Variants in DNAH10 observed in about 807,000 individuals in gnomAD.
The protein encoded by DNAH10 is axonemal beta dynein heavy chain 10.
DNAH10 carries 348 observed loss-of-function variants against 506.6 expected under a neutral mutation model. That is an observed-to-expected ratio of 0.69 (90% CI 0.63 to 0.75). The LOEUF (loss-of-function observed/expected upper bound fraction) is 0.75. Ranked by LOEUF, DNAH10 falls within the 30% of genes least tolerant of loss-of-function variation. DNAH10 has a pLI of 0.00. For synonymous variants in DNAH10, 2,059 were observed against 2,198.6 expected (o/e 0.94, Z 1.78); for missense variants, 5,179 against 5,787.1 (o/e 0.89, Z 3.41).
At chr12:123,872,423 T>A (rs1952071338) in intron 45 of DNAH10, among the ~76,000 whole-genome samples, 1 of 152,042 alleles carries the variant, frequency 6.6e-6, no homozygotes, top group Non-Finnish European at 1.5e-5. Context: ...GGAGCCTCCT[T>A]CACAACACCC....
In DNAH10 at chr12:123,907,756, T is replaced by TGGC. The variant is rs1328931866; in HGVS notation, c.9816-1504_9816-1502dup. 6.6e-6 allele frequency among the ~76,000 whole-genome samples: 1 copy of TGGC among 152,186 alleles called. No individual in the cohort carries two copies. Among genetic ancestry groups the TGGC allele is most frequent in the African/African-American group, 2.4e-5 (1 of 41,432 alleles). On this transcript the variant is annotated intron_variant, in intron 57 of 78. Transcript: ENST00000673944. This position sits in a 1 kb window ranked among gnomAD's most constrained non-coding sequence, Gnocchi z 4.4. ...CCCCACCTGCTTGTTCACAGAGCGG[T>TGGC]GGCCGGGGCCTGGTTTCCATCCACC... is the stretch of plus-strand genomic sequence containing the variant.
At chr12:123,892,657 G>C (rs1047655310) in intron 52 of DNAH10, among the ~76,000 whole-genome samples, 1 of 152,234 alleles carries the variant, frequency 6.6e-6, no homozygotes, top group East Asian at 1.9e-4. Flanking sequence ...ACAGGAGAAC[G>C]TCAGAGATGG....
At chr12:123,837,070 C>A (rs974118017) in intron 28 of DNAH10, among the ~76,000 whole-genome samples, 3 of 150,638 alleles carry the variant, frequency 2.0e-5, no homozygotes, top group Admixed American at 6.6e-5. Flanking sequence ...CCAGGATGGT[C>A]TCAATCTCCT....
chr12:123,865,875 A>G (rs527570271), intron 40 of DNAH10, 76 bp from the exon 41 acceptor site: 18 of 1,407,242 alleles, frequency 1.3e-5, no homozygotes, highest in Middle Eastern at 1.9e-4. Context: ...AAAACTTTCC[A>G]TAAGAGAAGG....
chr12:123,863,198 G>A (rs1951677981), intron 39 of DNAH10, among the ~76,000 whole-genome samples: 1 of 152,214 alleles, frequency 6.6e-6, no homozygotes, highest in Non-Finnish European at 1.5e-5. Context: ...TCTGTCCTGT[G>A]GAGATGGGCT....
chr12:123,886,758 C>T (rs868337177), intron 51 of DNAH10, among the ~76,000 whole-genome samples: 6 of 152,292 alleles, frequency 3.9e-5, no homozygotes, highest in African/African-American at 1.2e-4. Flanking sequence ...GCAGAAAAAG[C>T]GTGCTTTAAA....
intron 7 of DNAH10, among the ~76,000 whole-genome samples, chr12:123,783,681 C>T (rs1444188340): frequency 6.6e-6 from 1 of 152,202 alleles, no homozygotes; most frequent in Non-Finnish European, 1.5e-5. Context: ...GAGCTTCATT[C>T]CTCAGGCTGG....
rs1461585310 is a variant in DNAH10 at position 123,813,845 on chromosome 12, T to C, written c.3713T>C (p.Leu1238Pro). ...ATTGCAGAAATTAGAAGTAAATCTCTAGTCATGGAACTCAGATATAGGGAC... is the reference window on the plus strand; with the variant it reads ...ATTGCAGAAATTAGAAGTAAATCTCCAGTCATGGAACTCAGATATAGGGAC... ...ATIAEIRSKS[L>P]VMELRYRDVQ... Residue 1238 changes from leucine (L) to proline (P), a missense_variant, in exon 21 of 79, where the codon CTA becomes CCA. Physicochemically the swap from Leu to Pro is moderately conservative, Grantham distance 98 (BLOSUM62 -3). Transcript: ENST00000673944. 1.9e-6 allele frequency: 3 copies of C among 1,613,452 alleles called. No individual in the cohort carries two copies. The South Asian group carries it at 3.3e-5, about 18-fold the overall frequency.
intron 55 of DNAH10, among the ~76,000 whole-genome samples, chr12:123,898,253 C>T (rs955174924): frequency 1.3e-5 from 2 of 152,128 alleles, no homozygotes; most frequent in Non-Finnish European, 2.9e-5. Flanking sequence ...CTCTGTTTCC[C>T]AGGCTGGAGT....
At chr12:123,885,604 A>C (rs1952695330) in intron 51 of DNAH10, among the ~76,000 whole-genome samples, 1 of 152,136 alleles carries the variant, frequency 6.6e-6, no homozygotes, top group East Asian at 1.9e-4. Context: ...ACTCATATGG[A>C]GTTTGCCTCT....
intron 77 of DNAH10, 49 bp downstream of exon 77, chr12:123,933,560 T>G: frequency 1.3e-6 from 2 of 1,525,542 alleles, no homozygotes; most frequent in Non-Finnish European, 1.8e-6. Context: ...AGGATTTCTC[T>G]CCCTGAACCA....
At chr12:123,775,415 T>G (rs976858734) in intron 5 of DNAH10, among the ~76,000 whole-genome samples, 10 of 152,164 alleles carry the variant, frequency 6.6e-5, no homozygotes, top group African/African-American at 2.4e-4. Context: ...GGCCTGAGCT[T>G]TATAGACCAA....
chr12:123,861,974 C>T (rs916220926), intron 39 of DNAH10, among the ~76,000 whole-genome samples: 5 of 152,126 alleles, frequency 3.3e-5, no homozygotes, highest in Admixed American at 2.6e-4. Flanking sequence ...CTTTTATGAC[C>T]TTCCTGTTCT....
At chr12:123,929,907 C>T in intron 72 of DNAH10, 148 bp downstream of exon 72, 2 of 695,560 alleles carry the variant, frequency 2.9e-6, no homozygotes, top group Non-Finnish European at 4.8e-6. Context: ...TCTGCTCTCA[C>T]CTGGTTGTTC....
At chr12:123,870,239 G>A (rs1951973108) in intron 43 of DNAH10, 127 bp from the exon 44 acceptor site, 1 of 1,230,664 alleles carries the variant, frequency 8.1e-7, no homozygotes, top group African/African-American at 1.5e-5. Context: ...TGAAGGAGCA[G>A]CATTGAAGTA....
At chr12:123,929,801 T>C (rs1955122501) in intron 72 of DNAH10, 42 bp downstream of exon 72, 2 of 1,554,188 alleles carry the variant, frequency 1.3e-6, no homozygotes, top group African/African-American at 1.4e-5. Context: ...CCTCTGGGGC[T>C]ACAGAGCTGT....
intron 65 of DNAH10, among the ~76,000 whole-genome samples, chr12:123,922,751 C>T (rs1486428628): frequency 2.6e-5 from 4 of 152,170 alleles, no homozygotes; most frequent in Non-Finnish European, 4.4e-5. Flanking sequence ...TTCTTCTCTG[C>T]GTGTGAATCC....
At chr12:123,831,719 C>A (rs1227967397) in intron 26 of DNAH10, among the ~76,000 whole-genome samples, 5 of 151,872 alleles carry the variant, frequency 3.3e-5, no homozygotes, top group Non-Finnish European at 1.5e-5. Flanking sequence ...GGTGAAACCC[C>A]GTCTCTACTA....
intron 26 of DNAH10, 81 bp downstream of exon 26, chr12:123,830,780 T>TA (rs553207799): frequency 0.039 from 36,085 of 924,666 alleles, 4 homozygotes; most frequent in South Asian, 0.042. Flanking sequence ...TCATCTATAC[T>TA]AAAAAAAAAA....
Sources: allele counts gnomAD v4.1 joint callset (sites outside exome capture counted in the v4.1 genomes callset), GRCh38; gene constraint gnomAD v4.1.1; non-coding constraint Gnocchi (gnomAD v3.1); transcripts MANE v1.5; gene names NCBI Gene and HGNC (gene_info 2026-07-23, HGNC 2026-07-21).